The following MYO9A variants were observed in gnomAD, a reference collection of about 807,000 sequenced individuals.
MYO9A encodes unconventional myosin-IXa.
Under a neutral mutation model 293.3 loss-of-function variants are expected in MYO9A, and 103 were observed. The observed-to-expected ratio is 0.35, with a 90% CI of 0.30 to 0.41. The LOEUF (loss-of-function observed/expected upper bound fraction) is 0.41. Ranked by LOEUF, MYO9A falls within the 10% of genes least tolerant of loss-of-function variation. MYO9A has a pLI of 1.00. For missense variants in MYO9A, 2,685 were observed against 3,033.0 expected (o/e 0.89, Z 2.69); for synonymous variants, 1,001 against 1,035.7 (o/e 0.97, Z 0.64).
At chr15:72,112,402 G>A (rs1422661263) in intron 1 of MYO9A, among the ~76,000 whole-genome samples, 1 of 152,130 alleles carries the variant, frequency 6.6e-6, no homozygotes, top group African/African-American at 2.4e-5. Context: ...TATTTGGAAA[G>A]TGCTTTACAT....
intron 12 of MYO9A, among the ~76,000 whole-genome samples, chr15:71,971,363 C>G: frequency 6.6e-6 from 1 of 151,678 alleles, no homozygotes; most frequent in East Asian, 1.9e-4. Context: ...GGTAGGAGGA[C>G]AGCTTGAGCC....
At chr15:71,859,454 C>T (rs2056020989) in intron 34 of MYO9A, among the ~76,000 whole-genome samples, 1 of 152,112 alleles carries the variant, frequency 6.6e-6, no homozygotes, top group Admixed American at 6.5e-5. Flanking sequence ...AGTATGAAAC[C>T]TCAATGCAGT....
At position 71,862,522 on chromosome 15, in the gene MYO9A, C is replaced by A. The variant is rs1203845142; in HGVS notation, c.6069G>T (p.Met2023Ile). Residue 2023 changes from methionine to isoleucine, a missense_variant, in exon 33 of 42, where the codon ATG (methionine) becomes ATT (isoleucine). Met to Ile is a conservative substitution (Grantham distance 10, BLOSUM62 1). This residue lies in a region of MYO9A where 14 missense variants were observed against 38.0 expected (regional missense o/e 0.37). Coordinates refer to ENST00000356056, the MANE Select transcript of MYO9A (RefSeq NM_006901.4). ...TACATTTGCAAACAGAGGCTCGGTC[C>A]ATTATCCATATCAAAGAAGAACAGT... ...CEYCSSLIWI[M>I]DRASVCKLCK... The A allele has an allele frequency of 6.2e-7, 1 of 1,610,318 alleles. No individual in the cohort carries two copies.
chr15:72,036,353 G>T (rs1164374859), intron 2 of MYO9A, among the ~76,000 whole-genome samples: 1 of 152,136 alleles, frequency 6.6e-6, no homozygotes, highest in Non-Finnish European at 1.5e-5. Context: ...GCACAAGAAT[G>T]CTGACAAAAA....
At position 72,045,876 on chromosome 15, in the gene MYO9A, T is replaced by C; in HGVS notation, c.688A>G (p.Lys230Glu). 1 of 1,614,146 alleles carries C rather than the reference T, an allele frequency of 6.2e-7. No individual in the cohort carries two copies. The highest frequency in any genetic ancestry group is 8.5e-7 in the Non-Finnish European group (1 of 1,180,026). ...DVAYHAMLQR[K>E]KNQCIVISGE... The stretch of plus-strand genomic sequence containing the variant: ...GAAATCACGATGCACTGATTCTTTT[T>C]GCGCTGAAGCATGGCATGATAAGCT... Residue 230 changes from lysine (K) to glutamate (E), a missense_variant, in exon 2 of 42, where the codon AAA becomes GAA. Transcript: ENST00000356056.
chr15:71,951,720 T>C, intron 15 of MYO9A, 57 bp downstream of exon 15: 1 of 1,609,168 alleles, frequency 6.2e-7, no homozygotes, highest in Middle Eastern at 1.7e-4. Context: ...AGGATGCTCC[T>C]GGTTTCCATT....
intron 3 of MYO9A, among the ~76,000 whole-genome samples, chr15:72,028,646 T>C (rs1302614885): frequency 6.8e-6 from 1 of 146,362 alleles, no homozygotes; most frequent in East Asian, 2.0e-4. Context: ...AAACTTCGTC[T>C]CAAAAAAAAA....
chr15:71,852,352 C>T, intron 35 of MYO9A, 92 bp from the exon 36 acceptor site: 10 of 1,019,718 alleles, frequency 9.8e-6, no homozygotes, highest in South Asian at 6.7e-5. Context: ...TAAAGGAAGG[C>T]TTCATGTTTC....
chr15:72,100,091 T>A (rs972778116), intron 1 of MYO9A, among the ~76,000 whole-genome samples: 5 of 151,182 alleles, frequency 3.3e-5, no homozygotes, highest in African/African-American at 1.2e-4. Context: ...TCTAAAAAAA[T>A]AGAAAAATTA....
intron 18 of MYO9A, among the ~76,000 whole-genome samples, chr15:71,920,197 T>C (rs899606947): frequency 2.6e-5 from 4 of 152,250 alleles, no homozygotes; most frequent in Non-Finnish European, 4.4e-5. Context: ...TTGAGTTTAT[T>C]AAGCTTAATT....
chr15:71,910,074 TTATATATATACACG>T (rs1555478269), intron 19 of MYO9A, among the ~76,000 whole-genome samples: 2 of 148,460 alleles, frequency 1.3e-5, no homozygotes, highest in Non-Finnish European at 3.0e-5. Flanking sequence ...AGCCCCAATT[TTATATATATACACG>T]TATATATATA....
chr15:72,078,710 T>C lies in MYO9A; in HGVS notation c.-71-32076A>G, dbSNP rs1203212779. Among the ~76,000 whole-genome samples, 3 of 152,172 alleles carry C rather than the reference T, an allele frequency of 2.0e-5. No individual in the cohort carries two copies. The East Asian group carries it at 5.8e-4, about 29-fold the overall frequency. ...ATGTTTACGGTAGCTTTATTTATGA[T>C]TGTCAGAAATTGAAAGCCACCAAGA... On this transcript the variant is annotated intron_variant, in intron 1 of 41. Coordinates refer to ENST00000356056, the MANE Select transcript of MYO9A (RefSeq NM_006901.4).
intron 17 of MYO9A, among the ~76,000 whole-genome samples, chr15:71,934,266 T>TG (rs144934637): frequency 0.057 from 8,629 of 152,186 alleles, 315 homozygotes; most frequent in Non-Finnish European, 0.079. Context: ...CTTATGAATA[T>TG]GGGCTGGGAA....
chr15:72,086,413 T>C (rs1596540777), intron 1 of MYO9A, among the ~76,000 whole-genome samples: 1 of 111,688 alleles, frequency 9.0e-6, no homozygotes, highest in African/African-American at 3.5e-5. Flanking sequence ...GCAGCAATGT[T>C]GGCAAGGGGG....
At chr15:71,921,190 A>G (rs1416206249) in intron 18 of MYO9A, among the ~76,000 whole-genome samples, 1 of 152,222 alleles carries the variant, frequency 6.6e-6, no homozygotes, top group African/African-American at 2.4e-5. Context: ...GAAAAATGGG[A>G]AAGTATTACC....
intron 1 of MYO9A, among the ~76,000 whole-genome samples, chr15:72,103,093 G>C (rs1412761548): frequency 3.4e-5 from 5 of 147,158 alleles, no homozygotes; most frequent in Non-Finnish European, 7.5e-5. Flanking sequence ...GATTCTCCTC[G>C]GCTGAGGAAG....
intron 11 of MYO9A, 132 bp downstream of exon 11, chr15:71,990,971 G>T: frequency 1.1e-6 from 1 of 894,970 alleles, no homozygotes; most frequent in Non-Finnish European, 1.6e-6. Flanking sequence ...GTTTGTAAAG[G>T]CACGTTTCAA....
At chr15:71,924,221 T>TTTATTA (rs535851968) in intron 18 of MYO9A, among the ~76,000 whole-genome samples, 63 of 151,522 alleles carry the variant, frequency 4.2e-4, no homozygotes, top group Middle Eastern at 3.4e-3. Flanking sequence ...TGAAATTTTG[T>TTTATTA]TTATTATTAT....
rs144500644 is a variant in MYO9A, at chr15:71,878,210, G to A, written c.5761C>T (p.Arg1921Trp). The change falls in exon 31 of 42, where the codon CGG (arginine) becomes TGG (tryptophan). Residue 1921 changes from arginine (R) to tryptophan (W), a missense_variant. Transcript: ENST00000356056. The stretch of plus-strand genomic sequence containing the variant: ...AATAGTGCATAGAGGTCTTTATACC[G>A]TATGCTTTTCCCATCATCCATCTAT... The part of the protein sequence containing the change: ...ALAMDDGKSI[R>W]YKDLYALFEQ... 6.4e-6 allele frequency: 10 copies of A among 1,553,690 alleles called. No homozygotes were observed. The highest frequency in any genetic ancestry group is 2.3e-5 in the East Asian group (1 of 43,118).
Sources: allele counts gnomAD v4.1 joint callset (sites outside exome capture counted in the v4.1 genomes callset), GRCh38; gene constraint gnomAD v4.1.1; regional missense constraint gnomAD v4.1.1; transcripts MANE v1.5; gene names NCBI Gene and HGNC (gene_info 2026-07-23, HGNC 2026-07-21).